The following PCDHGA6 variants were observed in gnomAD, a reference collection of about 807,000 sequenced individuals.
The protein encoded by PCDHGA6 is protocadherin gamma-A6.
PCDHGA6 carries 41 observed loss-of-function variants against 60.6 expected under a neutral mutation model. That is an observed-to-expected ratio of 0.68 (90% CI 0.53 to 0.88). The LOEUF (loss-of-function observed/expected upper bound fraction) is 0.88, where lower values mean the gene tolerates loss of function less well. Ranked by LOEUF, PCDHGA6 falls within the 40% of genes least tolerant of loss-of-function variation. The pLI is 0.00. For synonymous variants in PCDHGA6, 594 were observed against 524.4 expected (o/e 1.13, Z -1.81); for missense variants, 1,312 against 1,203.0 (o/e 1.09, Z -1.34).
intron 3 of PCDHGA6, among the ~76,000 whole-genome samples, chr5:141,509,015 C>T (rs1370464396): frequency 6.6e-6 from 1 of 152,098 alleles, no homozygotes; most frequent in East Asian, 1.9e-4. Flanking sequence ...AAGTGGGCAG[C>T]TGCTCCCTCC....
intron 1 of PCDHGA6, among the ~76,000 whole-genome samples, chr5:141,407,531 T>C (rs757019162): frequency 3.3e-5 from 5 of 151,462 alleles, no homozygotes; most frequent in South Asian, 2.1e-4. Context: ...TAACTTATTG[T>C]GCATTGGTAA....
chr5:141,441,310 C>T (rs2098239133), intron 1 of PCDHGA6: 1 of 152,154 alleles, frequency 6.6e-6, no homozygotes, highest in Non-Finnish European at 1.5e-5. Context: ...AGAAAATGCA[C>T]CTTGAGAAAA....
chr5:141,426,311 G>C (rs895147447), intron 1 of PCDHGA6: 7 of 173,614 alleles, frequency 4.0e-5, no homozygotes, highest in Middle Eastern at 2.9e-3. Context: ...AAGCAGAGAA[G>C]CAGGACCCGG....
At chr5:141,394,338 T>C in intron 1 of PCDHGA6, 2 of 1,614,048 alleles carry the variant, frequency 1.2e-6, no homozygotes, top group Non-Finnish European at 1.7e-6. Flanking sequence ...CTCCATCAAC[T>C]CTGACACCGG....
At chr5:141,419,761 C>A in intron 1 of PCDHGA6, 1 of 1,614,008 alleles carries the variant, frequency 6.2e-7, no homozygotes, top group South Asian at 1.1e-5. Context: ...CTTTGGGTGA[C>A]AAGGACTCGG....
rs759809060 is a variant in PCDHGA6, at chr5:141,476,317, G to A, written c.2425-18490G>A. 1.2e-6 allele frequency: 2 copies of A among 1,614,170 alleles called. No individual in the cohort carries two copies. Among genetic ancestry groups the A allele is most frequent in the South Asian group, 2.2e-5 (2 of 91,078 alleles). On this transcript the variant is annotated intron_variant, in intron 1 of 3. Coordinates refer to ENST00000517434, the MANE Select transcript of PCDHGA6 (RefSeq NM_018919.3). This position sits in a 1 kb window ranked among gnomAD's most constrained non-coding sequence, Gnocchi z 7.6. Reference sequence around the variant, plus strand: ...GTAGCCTCTCAGCCCGCAGGTTCCGGGTGGTGTCTGGAGCTAGCCGAAGAT... The same window carrying A: ...GTAGCCTCTCAGCCCGCAGGTTCCGAGTGGTGTCTGGAGCTAGCCGAAGAT...
intron 1 of PCDHGA6, chr5:141,393,645 G>A (rs2092814255): frequency 6.2e-7 from 1 of 1,613,752 alleles, no homozygotes; most frequent in Non-Finnish European, 8.5e-7. Flanking sequence ...CGGAAAAGTG[G>A]CATACAAATT....
At chr5:141,467,373 T>C (rs2099143070) in intron 1 of PCDHGA6, among the ~76,000 whole-genome samples, 1 of 152,064 alleles carries the variant, frequency 6.6e-6, no homozygotes, top group Non-Finnish European at 1.5e-5. Context: ...TTTCTTATAT[T>C]GCATTTAGGT....
intron 1 of PCDHGA6, among the ~76,000 whole-genome samples, chr5:141,453,288 A>AT (rs2098760999): frequency 2.0e-5 from 3 of 151,342 alleles, no homozygotes; most frequent in African/African-American, 7.3e-5. Flanking sequence ...TAATTTTTTA[A>AT]TTATTTATTT....
intron 1 of PCDHGA6, chr5:141,400,148 G>A (rs377393833): frequency 2.5e-6 from 4 of 1,614,056 alleles, no homozygotes; most frequent in African/African-American, 2.7e-5. Flanking sequence ...ATCACTGACC[G>A]CCCTGTACCC....
Position 141,375,735 on chromosome 5 carries a change from T to G in PCDHGA6, c.1652T>G (p.Phe551Cys). Reference protein sequence around the residue: ...PLSSNVSLSLFVLDQNDNAPE... With the variant: ...PLSSNVSLSLCVLDQNDNAPE... ...AGCAGCAACGTGTCACTGAGCCTGT[T>G]TGTGCTGGACCAGAATGACAATGCG... Residue 551 changes from phenylalanine to cysteine, a missense_variant, in exon 1 of 4, where the codon TTT becomes TGT. By Grantham distance (205) the Phe-to-Cys change is radical. Coordinates refer to ENST00000517434, the MANE Select transcript of PCDHGA6 (RefSeq NM_018919.3). The G allele has an allele frequency of 6.2e-7, 1 of 1,614,254 alleles. No homozygotes were observed.
chr5:141,460,822 C>A (rs2098998601), intron 1 of PCDHGA6, among the ~76,000 whole-genome samples: 2 of 151,502 alleles, frequency 1.3e-5, no homozygotes, highest in South Asian at 4.1e-4. Context: ...TACATATATA[C>A]ACACTTAAAG....
chr5:141,403,612 G>C (rs1314297922), intron 1 of PCDHGA6: 9 of 1,613,736 alleles, frequency 5.6e-6, no homozygotes, highest in African/African-American at 1.3e-5. Flanking sequence ...GCGGCGAGCC[G>C]CGTCGCTCCA....
At chr5:141,434,698 A>G (rs2097710714) in intron 1 of PCDHGA6, among the ~76,000 whole-genome samples, 1 of 152,070 alleles carries the variant, frequency 6.6e-6, no homozygotes, top group South Asian at 2.1e-4. Context: ...GTTAATAAAT[A>G]TGTGGGTAAA....
chr5:141,491,152 G>A lies in PCDHGA6; in HGVS notation c.2425-3655G>A. 1 of 1,614,168 alleles carries A rather than the reference G, an allele frequency of 6.2e-7. No homozygotes were observed. The highest frequency in any genetic ancestry group is 8.5e-7 in the Non-Finnish European group (1 of 1,179,990). On this transcript the variant is annotated intron_variant, in intron 1 of 3. Transcript: ENST00000517434. The surrounding 1 kb of genome is among the most constrained non-coding windows in gnomAD (Gnocchi z 6.9). ...CACAGCCCGGGCCTTACTGGAGGAT[G>A]ACTCTGACACCCAGCAGGTGGTGGT...
intron 1 of PCDHGA6, chr5:141,398,685 G>T: frequency 6.2e-7 from 1 of 1,613,966 alleles, no homozygotes; most frequent in Non-Finnish European, 8.5e-7. Flanking sequence ...AGGAGAAACA[G>T]GATGGTAGTA....
chr5:141,395,483 AT>A lies in PCDHGA6; in HGVS notation c.2424+18978del, dbSNP rs2093238640. ...TTAAGCCTTCCAGTATTTTATTCCT[AT>A]TATCACTCATTCACTTAAGAAGTAG... On this transcript the variant is annotated intron_variant, in intron 1 of 3. Transcript: ENST00000517434. The A allele has an allele frequency of 5.8e-6, 3 of 512,838 alleles. No individual in the cohort carries two copies. The South Asian group carries it at 8.4e-5, about 14-fold the overall frequency. The allele number at this position is 512,838 out of a possible 1,614,324, so 31.8% of individuals were successfully genotyped here.
intron 1 of PCDHGA6, among the ~76,000 whole-genome samples, chr5:141,461,148 A>G (rs1293565790): frequency 1.3e-5 from 2 of 152,090 alleles, no homozygotes; most frequent in Non-Finnish European, 2.9e-5. Context: ...CTTTGGGTAG[A>G]TACCCAATAG....
chr5:141,485,549 G>T lies in PCDHGA6; in HGVS notation c.2425-9258G>T. 1 of 1,614,030 alleles carries T rather than the reference G, an allele frequency of 6.2e-7. No homozygotes were observed. Among genetic ancestry groups the T allele is most frequent in the Non-Finnish European group, 8.5e-7 (1 of 1,179,922 alleles). On this transcript the variant is annotated intron_variant, in intron 1 of 3. Coordinates refer to ENST00000517434, the MANE Select transcript of PCDHGA6 (RefSeq NM_018919.3). The surrounding 1 kb of genome is among the most constrained non-coding windows in gnomAD (Gnocchi z 5.7). Reference sequence around the variant, plus strand: ...CCGAGCAGAGGTAGAGATCGTAGATGTGAATGATCACGCCCCCCGTTTTCC... The same window carrying T: ...CCGAGCAGAGGTAGAGATCGTAGATTTGAATGATCACGCCCCCCGTTTTCC...
Sources: gnomAD v4.1 joint callset for allele counts (sites outside exome capture counted in the v4.1 genomes callset) on GRCh38, gnomAD v4.1.1 for gene constraint, Gnocchi (gnomAD v3.1) non-coding constraint, MANE v1.5 for transcripts, NCBI Gene and HGNC (gene_info 2026-07-23, HGNC 2026-07-21) for gene names.